RNF17: variants seen among roughly 807,000 people sequenced by gnomAD.
RNF17 encodes the protein ring finger protein 17.
Under a neutral mutation model 200.5 loss-of-function variants are expected in RNF17, and 31 were observed. The observed-to-expected ratio is 0.15, with a 90% CI of 0.12 to 0.21. The LOEUF is 0.21. Ranked by LOEUF, RNF17 falls within the 10% of genes least tolerant of loss-of-function variation. The probability of loss-of-function intolerance (pLI) is 1.00; values close to 1 mark genes in which losing one functional copy is unlikely to be tolerated. For synonymous variants in RNF17, 606 were observed against 637.8 expected (o/e 0.95, Z 0.75); for missense variants, 1,628 against 1,905.1 (o/e 0.85, Z 2.71).
intron 16 of RNF17, 116 bp from the exon 17 acceptor site, chr13:24,830,368 T>A (rs1336253818): frequency 3.3e-6 from 2 of 609,692 alleles, no homozygotes; most frequent in Non-Finnish European, 5.8e-6. Context: ...TAAAAAGTAT[T>A]AAGTTTGTAT....
At chr13:24,879,443 C>G in intron 35 of RNF17, 148 bp downstream of exon 35, 2 of 606,668 alleles carry the variant, frequency 3.3e-6, no homozygotes, top group Middle Eastern at 4.4e-4. Flanking sequence ...CCCTTCTCAC[C>G]TATTCAGCAC....
At chr13:24,841,966 C>CAAA in intron 18 of RNF17, 75 bp from the exon 19 acceptor site, 15 of 1,093,810 alleles carry the variant, frequency 1.4e-5, no homozygotes, top group Admixed American at 2.5e-5. Context: ...ACTCTGTCTC[C>CAAA]AAAAAAAAAA....
At chr13:24,762,684 T>A (rs1035525058), upstream of RNF17, among the ~76,000 whole-genome samples, 25 of 152,260 alleles carry the variant, frequency 1.6e-4, no homozygotes, top group African/African-American at 5.3e-4. Flanking sequence ...CCACACACAG[T>A]GTAGAGAGAA....
At position 24,861,309 on chromosome 13, in the gene RNF17, G is replaced by A. The variant is rs753999056; in HGVS notation, c.3816G>A (p.Gln1272=). The A allele has an allele frequency of 1.6e-5, 26 of 1,594,486 alleles. No homozygotes were observed. Among genetic ancestry groups the A allele is most frequent in the South Asian group, 9.0e-5 (8 of 89,084 alleles). The change falls in exon 27 of 36, where the codon CAG becomes CAA. Residue 1272 remains glutamine (Q), a synonymous_variant. Transcript: ENST00000255324. ...LDHGFTEKIP[Q]CHLYPILLYP... ...ATGGATTCACTGAAAAGATTCCGCA[G>A]TGCCATCTTTACCCTATTTTGCTGT... is the stretch of plus-strand genomic sequence containing the variant.
chr13:24,875,189 A>G (rs1894721603), intron 33 of RNF17, among the ~76,000 whole-genome samples: 1 of 152,188 alleles, frequency 6.6e-6, no homozygotes, highest in African/African-American at 2.4e-5. Flanking sequence ...TGAGGCACTA[A>G]AAAGGATAAG....
At chr13:24,851,937 G>A (rs1255983660) in intron 24 of RNF17, among the ~76,000 whole-genome samples, 2 of 151,990 alleles carry the variant, frequency 1.3e-5, no homozygotes, top group African/African-American at 4.8e-5. Context: ...AGAAATTCTG[G>A]TAGGTATATA....
At chr13:24,808,007 C>T (rs1232167322) in intron 15 of RNF17, among the ~76,000 whole-genome samples, 1 of 151,108 alleles carries the variant, frequency 6.6e-6, no homozygotes, top group African/African-American at 2.4e-5. Flanking sequence ...TGATCTATAT[C>T]TCTGTTTTGG....
rs148790473 is a variant in RNF17 at position 24,823,232 on chromosome 13, C to T, written c.2092-2387C>T. Among the ~76,000 whole-genome samples, 396 of 152,232 alleles carry T rather than the reference C, an allele frequency of 2.6e-3. 6 individuals are homozygous for T. The highest frequency in any genetic ancestry group is 9.3e-3 in the African/African-American group (386 of 41,528). ...GGGATTACAGGCGCCTGCCACCACACCTGAGTAATTTTTGTATTTTTAGTA... is the reference window on the plus strand; with the variant it reads ...GGGATTACAGGCGCCTGCCACCACATCTGAGTAATTTTTGTATTTTTAGTA... On this transcript the variant is annotated intron_variant, in intron 15 of 35. Coordinates refer to ENST00000255324, the MANE Select transcript of RNF17 (RefSeq NM_031277.3).
Position 24,870,681 on chromosome 13 carries a change from A to C in RNF17, c.4389A>C (p.Ala1463=). The C allele has an allele frequency of 6.2e-7, 1 of 1,614,194 alleles. No individual in the cohort carries two copies. Among genetic ancestry groups the C allele is most frequent in the South Asian group, 1.1e-5 (1 of 91,086 alleles). Residue 1463 remains alanine, a synonymous_variant, in exon 32 of 36, where the codon GCA becomes GCC. Transcript: ENST00000255324. ...GESESESLDE[A]LQRVNKKVEA... is the part of the protein sequence containing the mutation. ...CAGAATCCGAGAGCCTTGATGAAGC[A>C]CTGCAGAGGGTTAATAAGAAGGTAG... is the stretch of plus-strand genomic sequence containing the variant.
chr13:24,783,009 C>G (rs1430755594), intron 6 of RNF17, among the ~76,000 whole-genome samples: 1 of 152,088 alleles, frequency 6.6e-6, no homozygotes, highest in African/African-American at 2.4e-5. Flanking sequence ...CCTGTGTTTT[C>G]TTTTAAGAGT....
intron 19 of RNF17, among the ~76,000 whole-genome samples, 194 bp from the exon 20 acceptor site, chr13:24,843,550 T>C (rs2138142703): frequency 6.6e-6 from 1 of 152,240 alleles, no homozygotes; most frequent in Non-Finnish European, 1.5e-5. Context: ...TTGAATCTTC[T>C]CCTTTCTTTT....
upstream of RNF17, among the ~76,000 whole-genome samples, chr13:24,762,992 C>G (rs2137834541): frequency 6.6e-6 from 1 of 152,276 alleles, no homozygotes; most frequent in African/African-American, 2.4e-5. Flanking sequence ...TGTCTTCCAT[C>G]TACCTTCCCT....
At chr13:24,804,554 C>T (rs990018918) in intron 15 of RNF17, 125 bp downstream of exon 15, 33 of 639,302 alleles carry the variant, frequency 5.2e-5, no homozygotes, top group African/African-American at 3.0e-4. Context: ...ACCTTCTATA[C>T]GTTTAAATTT....
In RNF17 at chr13:24,815,631, G is replaced by C. The variant is rs190626644; in HGVS notation, c.2092-9988G>C. Among the ~76,000 whole-genome samples the C allele has an allele frequency of 3.3e-5, 5 of 152,220 alleles. No individual in the cohort carries two copies. In the East Asian group the frequency reaches 7.7e-4, roughly 24 times the overall value. On this transcript the variant is annotated intron_variant, in intron 15 of 35. Coordinates refer to ENST00000255324, the MANE Select transcript of RNF17 (RefSeq NM_031277.3). Reference sequence around the variant, plus strand: ...TGTTGAATACAAGATGAAGAAGCAGGCTTCCTTGTCTTATTCCTGTCTTAA... The same window carrying C: ...TGTTGAATACAAGATGAAGAAGCAGCCTTCCTTGTCTTATTCCTGTCTTAA...
At chr13:24,780,416 T>A (rs1053100480) in intron 5 of RNF17, among the ~76,000 whole-genome samples, 9 of 152,174 alleles carry the variant, frequency 5.9e-5, no homozygotes, top group Non-Finnish European at 1.0e-4. Context: ...GTAAATTAAC[T>A]GGAGGTTAGG....
rs1195368286 is a variant in RNF17 at position 24,808,866 on chromosome 13, T to C, written c.2091+4437T>C. 6.5e-3 allele frequency among the ~76,000 whole-genome samples: 752 copies of C among 115,374 alleles called. 9 individuals are homozygous for C. The highest frequency in any genetic ancestry group is 0.042 in the Middle Eastern group (9 of 214). 75.7% of individuals were successfully genotyped at this position (115,374 alleles called of 152,430 possible). On this transcript the variant is annotated intron_variant, in intron 15 of 35. Coordinates refer to ENST00000255324, the MANE Select transcript of RNF17 (RefSeq NM_031277.3). ...GTTTTTAGCATGAAGGGTTGTTGAA[T>C]TTTGTCAAAGGCCTTTTCTGCATCT...
At chr13:24,812,237 C>G (rs1292843057) in intron 15 of RNF17, among the ~76,000 whole-genome samples, 86 of 151,338 alleles carry the variant, frequency 5.7e-4, no homozygotes, top group Middle Eastern at 3.4e-3. Context: ...GCCCCTCCCC[C>G]AGCCTCGCTG....
At chr13:24,769,430 C>G (rs779715902) in intron 2 of RNF17, among the ~76,000 whole-genome samples, 5 of 152,176 alleles carry the variant, frequency 3.3e-5, no homozygotes, top group Non-Finnish European at 7.3e-5. Flanking sequence ...CACCCACCTA[C>G]TGTTAGCCGA....
chr13:24,756,127 C>A, the RNF17 span, among the ~76,000 whole-genome samples: 36 of 151,914 alleles, frequency 2.4e-4, no homozygotes, highest in African/African-American at 8.5e-4. Context: ...CTGAATGTAC[C>A]CATTTGATAT....
Sources: gnomAD v4.1 joint callset for allele counts (sites outside exome capture counted in the v4.1 genomes callset) on GRCh38, gnomAD v4.1.1 for gene constraint, MANE v1.5 for transcripts, NCBI Gene and HGNC (gene_info 2026-07-23, HGNC 2026-07-21) for gene names.